The following UTRN variants were observed in gnomAD, a reference collection of about 807,000 sequenced individuals.
UTRN encodes utrophin, also known as dystrophin-related protein 1.
UTRN carries 283 observed loss-of-function variants against 463.9 expected under a neutral mutation model. That is an observed-to-expected ratio of 0.61 (90% CI 0.55 to 0.67). UTRN has a LOEUF of 0.67. Ranked by LOEUF, UTRN falls within the 30% of genes least tolerant of loss-of-function variation. UTRN has a pLI of 0.00. For missense variants in UTRN, 3,922 were observed against 4,084.3 expected (o/e 0.96, Z 1.08); for synonymous variants, 1,442 against 1,431.5 (o/e 1.01, Z -0.17).
chr6:144,685,182 A>G (rs1661008859), intron 52 of UTRN, among the ~76,000 whole-genome samples: 1 of 152,142 alleles, frequency 6.6e-6, no homozygotes, highest in African/African-American at 2.4e-5. Flanking sequence ...CTCCAGCTCC[A>G]TTCAAGTTGC....
At chr6:144,616,446 T>C (rs1806109583) in intron 51 of UTRN, among the ~76,000 whole-genome samples, 1 of 152,122 alleles carries the variant, frequency 6.6e-6, no homozygotes, top group South Asian at 2.1e-4. Flanking sequence ...TAGCAAGCCT[T>C]GTAATGCTAA....
At chr6:144,499,135 T>G in intron 33 of UTRN, 122 bp from the exon 34 acceptor site, 1 of 1,044,374 alleles carries the variant, frequency 9.6e-7, no homozygotes, top group Non-Finnish European at 1.3e-6. Context: ...AAGACAAAGG[T>G]TATGTATGTC....
intron 52 of UTRN, among the ~76,000 whole-genome samples, chr6:144,680,763 C>T (rs573718547): frequency 6.0e-4 from 91 of 152,200 alleles, no homozygotes; most frequent in African/African-American, 1.7e-3. Flanking sequence ...TAGTTATTCC[C>T]CAGATAGTCT....
chr6:144,731,569 T>C (rs1489711112), intron 54 of UTRN, among the ~76,000 whole-genome samples: 1 of 152,212 alleles, frequency 6.6e-6, no homozygotes, highest in Non-Finnish European at 1.5e-5. Flanking sequence ...TATGGACAGG[T>C]AGCCGTTTTC....
chr6:144,799,197 A>T (rs1416992327), intron 64 of UTRN, among the ~76,000 whole-genome samples: 1 of 152,236 alleles, frequency 6.6e-6, no homozygotes, highest in Non-Finnish European at 1.5e-5. Context: ...GACTGACTTT[A>T]TCAGCATAAT....
intron 2 of UTRN, among the ~76,000 whole-genome samples, chr6:144,323,847 C>T (rs1775815461): frequency 2.0e-5 from 3 of 152,100 alleles, no homozygotes; most frequent in African/African-American, 7.2e-5. Flanking sequence ...AAAATCTTAC[C>T]TTTATTAGCT....
intron 4 of UTRN, 113 bp from the exon 5 acceptor site, chr6:144,423,436 C>T (rs1206595088): frequency 2.9e-6 from 3 of 1,045,866 alleles, no homozygotes; most frequent in South Asian, 1.4e-5. Context: ...GATCTCCTGC[C>T]TCTGAGGGGC....
chr6:144,523,179 A>T lies in UTRN; in HGVS notation c.5897A>T (p.Asp1966Val), dbSNP rs1432725180. The change falls in exon 41 of 75, where the codon GAT (aspartate) becomes GTT (valine). Residue 1966 changes from aspartate to valine, a missense_variant. Around this residue, in one of 3 missense-constraint regions of UTRN, gnomAD observed 2,349 missense variants for 2,303.8 expected, o/e 1.02. Transcript: ENST00000367545. Reference sequence around the variant, plus strand: ...GACAGAATTAATAGAATGTACAGTGATCGGAAAGGGTATGTGTAAATGAAA... The same window carrying T: ...GACAGAATTAATAGAATGTACAGTGTTCGGAAAGGGTATGTGTAAATGAAA... ...KWDRINRMYS[D>V]RKGCFDRAME... 2 of 1,592,472 alleles carry T rather than the reference A, an allele frequency of 1.3e-6. No individual in the cohort carries two copies. Among genetic ancestry groups the T allele is most frequent in the African/African-American group, 1.3e-5 (1 of 74,120 alleles).
At chr6:144,546,890 T>C (rs1242476019) in intron 46 of UTRN, among the ~76,000 whole-genome samples, 3 of 152,250 alleles carry the variant, frequency 2.0e-5, no homozygotes, top group East Asian at 3.8e-4. Context: ...GCTGCAGTTT[T>C]ATATTTTTTG....
At chr6:144,603,842 A>G (rs144297746) in intron 51 of UTRN, among the ~76,000 whole-genome samples, 57 of 152,274 alleles carry the variant, frequency 3.7e-4, no homozygotes, top group Non-Finnish European at 6.0e-4. Flanking sequence ...TTTTAAGGGA[A>G]TTTACTTTTA....
chr6:144,286,636 A>G lies in UTRN; in HGVS notation c.-93+815A>G, dbSNP rs1803685825. Among the ~76,000 whole-genome samples, 1 of 152,058 alleles carries G rather than the reference A, an allele frequency of 6.6e-6. No individual in the cohort carries two copies. The highest frequency in any genetic ancestry group is 2.4e-5 in the African/African-American group (1 of 41,412). On this transcript the variant is annotated intron_variant, in intron 1 of 74. Coordinates refer to ENST00000367545, the MANE Select transcript of UTRN (RefSeq NM_007124.3). This position sits in a 1 kb window ranked among gnomAD's most constrained non-coding sequence, Gnocchi z 4.4. ...GGTTGCTCAAGGCCACTTAAAAACC[A>G]ACAAAGCACCAATTGAAGGCTGTGC...
intron 2 of UTRN, among the ~76,000 whole-genome samples, chr6:144,354,136 C>A (rs1778352698): frequency 6.6e-6 from 1 of 152,174 alleles, no homozygotes; most frequent in South Asian, 2.1e-4. Context: ...ACTGTTTTCA[C>A]ACTTGGGTAT....
At chr6:144,717,244 T>C (rs940605276) in intron 53 of UTRN, among the ~76,000 whole-genome samples, 4 of 152,222 alleles carry the variant, frequency 2.6e-5, no homozygotes, top group African/African-American at 9.6e-5. Context: ...GAAAACAGTT[T>C]TGGAATATCA....
At chr6:144,348,126 C>T (rs1777767786) in intron 2 of UTRN, among the ~76,000 whole-genome samples, 1 of 152,012 alleles carries the variant, frequency 6.6e-6, no homozygotes. Context: ...GATTACAGGC[C>T]TGAGCCACCA....
Position 144,748,456 on chromosome 6 carries a change from G to A in UTRN, c.8150G>A (p.Trp2717Ter). 1.2e-6 allele frequency: 2 copies of A among 1,613,954 alleles called. No individual in the cohort carries two copies. The highest frequency in any genetic ancestry group is 1.7e-6 in the Non-Finnish European group (2 of 1,179,916). ...GAGGCAGAGTCCGTGCGGAATGGCT[G>A]GAAGCCCGTGGGAGACTTACTCATT... ...MKEAESVRNG[W>*]KPVGDLLIDS... Residue 2717 changes from tryptophan (W) to a stop codon, truncating the protein, a stop_gained, in exon 55 of 75, where the codon TGG becomes TAG. Coordinates refer to ENST00000367545, the MANE Select transcript of UTRN (RefSeq NM_007124.3). LOFTEE classifies it high-confidence loss of function.
chr6:144,490,245 ATTTTCTTC>A (rs1279424892), intron 31 of UTRN, 46 bp downstream of exon 31: 4 of 1,565,678 alleles, frequency 2.6e-6, no homozygotes, highest in Middle Eastern at 1.7e-4. Flanking sequence ...CTTGTTGGGA[ATTTTCTTC>A]AAAAAAGAGA....
rs6920066 is a variant in UTRN at position 144,446,489 on chromosome 6, A to G, written c.1615-722A>G. Among the ~76,000 whole-genome samples, 1,033 of 152,340 alleles carry G rather than the reference A, an allele frequency of 6.8e-3. 11 individuals are homozygous for G. Among genetic ancestry groups the G allele is most frequent in the African/African-American group, 0.023 (958 of 41,572 alleles). ...TTGTTTTCCTCCCTACTAAATAGAA[A>G]AGGGTTTCCACCCTAAATGCTACAT... On this transcript the variant is annotated intron_variant, in intron 14 of 74. Transcript: ENST00000367545.
In UTRN at chr6:144,620,264, G is replaced by A. The variant is rs530506747; in HGVS notation, c.7479+42976G>A. ...ACCTGTGCTGCTAAACTCTCCATTT[G>A]CATTTTATTGGCTACTATGTTTTTG... On this transcript the variant is annotated intron_variant, in intron 51 of 74. Coordinates refer to ENST00000367545, the MANE Select transcript of UTRN (RefSeq NM_007124.3). Among the ~76,000 whole-genome samples, 6 of 152,224 alleles carry A rather than the reference G, an allele frequency of 3.9e-5. No homozygotes were observed. The South Asian group carries it at 1.2e-3, about 32-fold the overall frequency.
intron 44 of UTRN, among the ~76,000 whole-genome samples, chr6:144,538,372 A>T (rs9386071): frequency 0.11 from 16,487 of 151,688 alleles, 1,656 homozygotes; most frequent in East Asian, 0.53. Flanking sequence ...ATTTTTTTTT[A>T]AAAAAAGAAA....
Sources: gnomAD v4.1 joint callset for allele counts (sites outside exome capture counted in the v4.1 genomes callset) on GRCh38, gnomAD v4.1.1 for gene constraint, gnomAD v4.1.1 regional missense constraint, Gnocchi (gnomAD v3.1) non-coding constraint, MANE v1.5 for transcripts, NCBI Gene and HGNC (gene_info 2026-07-23, HGNC 2026-07-21) for gene names.